Variants in ZNF619 observed in about 807,000 individuals in gnomAD.
The protein encoded by ZNF619 is zinc finger protein 619.
A neutral mutation model predicts 14.2 loss-of-function variants in ZNF619; 9 were observed. The ratio of observed to expected loss-of-function variants is 0.64; its 90% CI spans 0.38 to 1.11. The LOEUF (loss-of-function observed/expected upper bound fraction) is 1.11, where lower values mean the gene tolerates loss of function less well. Among genes scored for constraint, ZNF619 ranks in the 50% least tolerant of loss-of-function variants. The pLI, the probability that ZNF619 is intolerant of heterozygous loss-of-function variation, is 0.01. For synonymous variants in ZNF619, 246 were observed against 252.8 expected (o/e 0.97, Z 0.26); for missense variants, 659 against 680.1 (o/e 0.97, Z 0.34).
At position 40,487,079 on chromosome 3, in the gene ZNF619, A is replaced by C. The variant is rs781146395; in HGVS notation, c.569A>C (p.His190Pro). The C allele has an allele frequency of 3.7e-6, 6 of 1,614,020 alleles. No individual in the cohort carries two copies. In the East Asian group the frequency reaches 1.3e-4, roughly 36 times the overall value. Residue 190 changes from histidine to proline, a missense_variant, in exon 5 of 5, where the codon CAT becomes CCT. Coordinates refer to ENST00000432264, the MANE Select transcript of ZNF619 (RefSeq NM_001145093.4). ...RKLEESSVST[H>P]LITKQGFAKE... The stretch of plus-strand genomic sequence containing the variant: ...TTGGAAGAAAGTAGTGTCAGCACAC[A>C]TCTCATTACAAAGCAGGGTTTTGCC...
At chr3:40,480,423 C>CA (rs1434322571) in intron 2 of ZNF619, among the ~76,000 whole-genome samples, 2 of 151,468 alleles carry the variant, frequency 1.3e-5, no homozygotes, top group East Asian at 3.9e-4. Flanking sequence ...TGCTTCTCAT[C>CA]AAAATTTCCT....
intron 2 of ZNF619, among the ~76,000 whole-genome samples, chr3:40,479,983 C>T (rs1697330510): frequency 6.6e-6 from 1 of 152,154 alleles, no homozygotes; most frequent in Non-Finnish European, 1.5e-5. Flanking sequence ...AATAGCCCCA[C>T]TTAATGGAGA....
In ZNF619 at chr3:40,477,183, T is replaced by TTCCCTGACTCG. The variant is rs1260759831; in HGVS notation, c.-237_-236insTCCCTGACTCG. On this transcript the variant is annotated 5_prime_UTR_variant, in exon 1 of 5. An upstream open reading frame in the 5' UTR loses its in-frame stop. Coordinates refer to ENST00000432264, the MANE Select transcript of ZNF619 (RefSeq NM_001145093.4). Reference sequence around the variant, plus strand: ...TTGGCCACCTTGCGAGCGCTCGGGTTGAGTTTCCCGGGCTTCCCTGACTCG... The same window carrying TTCCCTGACTCG: ...TTGGCCACCTTGCGAGCGCTCGGGTTTCCCTGACTCGGAGTTTCCCGGGCTTCCCTGACTCG... 3 of 152,286 alleles carry TTCCCTGACTCG rather than the reference T, an allele frequency of 2.0e-5. No homozygotes were observed. The highest frequency in any genetic ancestry group is 2.9e-5 in the Non-Finnish European group (2 of 68,126). 9.4% of individuals were successfully genotyped at this position (152,286 alleles called of 1,614,324 possible).
In ZNF619 at chr3:40,481,826, T is replaced by A. The variant is rs774070992; in HGVS notation, c.25-37T>A. 11 of 1,570,920 alleles carry A rather than the reference T, an allele frequency of 7.0e-6. No homozygotes were observed. In the Admixed American group the frequency reaches 2.1e-4, roughly 30 times the overall value. On this transcript the variant is annotated intron_variant, in intron 2 of 4. Transcript: ENST00000432264. ...ATGGATTCCAGTAAATTTATCCCTT[T>A]CCTGGAATTCAGGCCTCTCCCTCTG...
chr3:40,477,546 T>A (rs1057485731), intron 1 of ZNF619, among the ~76,000 whole-genome samples, 189 bp downstream of exon 1: 1 of 152,210 alleles, frequency 6.6e-6, no homozygotes, highest in Non-Finnish European at 1.5e-5. Flanking sequence ...GGGGTCCCCG[T>A]TATATCCTAC....
At position 40,477,388 on chromosome 3, in the gene ZNF619, A is replaced by G. The variant is rs997325435; in HGVS notation, c.-63+31A>G. On this transcript the variant is annotated intron_variant, in intron 1 of 4. Transcript: ENST00000432264. ...CATGGGGAGGATGGGAGCCGTGACTATAGGGTCTCCTGCTTCCCAGGGTGG... is the reference window on the plus strand; with the variant it reads ...CATGGGGAGGATGGGAGCCGTGACTGTAGGGTCTCCTGCTTCCCAGGGTGG... The G allele has an allele frequency of 3.2e-5, 5 of 154,354 alleles. 1 individual carries two copies. The highest frequency in any genetic ancestry group is 1.9e-4 in the East Asian group (1 of 5,190). The allele number at this position is 154,354 out of a possible 1,614,324, so 9.6% of individuals were successfully genotyped here. A position where few individuals can be genotyped will look rare whatever the true frequency, so the allele number is the denominator to read the frequency against.
intron 3 of ZNF619, chr3:40,482,246 C>T (rs1697426249): frequency 1.2e-5 from 18 of 1,551,730 alleles, no homozygotes; most frequent in Non-Finnish European, 1.6e-5. Context: ...CTGCAGGGGG[C>T]TTTCCTCTGG....
chr3:40,488,028 C>T lies in ZNF619; in HGVS notation c.1518C>T (p.Pro506=), dbSNP rs1255204457. Residue 506 remains proline (P), a synonymous_variant, in exon 5 of 5, where the codon CCC becomes CCT. Coordinates refer to ENST00000432264, the MANE Select transcript of ZNF619 (RefSeq NM_001145093.4). ...GCGCCATCCTCTCTCCTCTGCCTCC[C>T]CAACATACCTGCTCTGCCCTAGCCC... The part of the protein sequence containing the change: ...CPCAILSPLP[P]QHTCSALAPP... The T allele has an allele frequency of 1.2e-6, 2 of 1,613,988 alleles. No individual in the cohort carries two copies. The highest frequency in any genetic ancestry group is 2.2e-5 in the East Asian group (1 of 44,890).
intron 4 of ZNF619, chr3:40,483,789 C>T (rs1697490154): frequency 3.0e-6 from 1 of 338,070 alleles, no homozygotes; most frequent in African/African-American, 2.3e-5. Context: ...TCACCACACC[C>T]AGCTAACTTT....
chr3:40,483,438 G>A (rs1053263552), intron 4 of ZNF619, among the ~76,000 whole-genome samples: 4 of 151,648 alleles, frequency 2.6e-5, no homozygotes, highest in Admixed American at 6.6e-5. Context: ...CTACATGCGC[G>A]TGCCACCATG....
Position 40,486,989 on chromosome 3 carries a change from G to C in ZNF619, c.479G>C (p.Cys160Ser), listed in dbSNP as rs1335676330. The change falls in exon 5 of 5, where the codon TGC becomes TCC. Residue 160 changes from cysteine (C) to serine (S), a missense_variant. Coordinates refer to ENST00000432264, the MANE Select transcript of ZNF619 (RefSeq NM_001145093.4). Reference sequence around the variant, plus strand: ...GGGAATAAAACAAAGATAGGGGATTGCACAGATTTGACAGTCCAGGATCAT... The same window carrying C: ...GGGAATAAAACAAAGATAGGGGATTCCACAGATTTGACAGTCCAGGATCAT... ...DTGNKTKIGD[C>S]TDLTVQDHES... 1.5e-5 allele frequency: 25 copies of C among 1,614,184 alleles called. No homozygotes were observed. The highest frequency in any genetic ancestry group is 1.6e-4 in the Middle Eastern group (1 of 6,062).
rs1347430882 is a variant in ZNF619, at chr3:40,487,611, T to C, written c.1101T>C (p.Thr367=). The change falls in exon 5 of 5, where the codon ACT becomes ACC. Residue 367 remains threonine, a synonymous_variant. Transcript: ENST00000432264. ...SVLIQHQRIH[T]GEKPYECKEC... ...TGATTCAGCATCAGAGAATCCACAC[T>C]GGGGAGAAACCTTATGAATGTAAAG... 6.2e-7 allele frequency: 1 copy of C among 1,614,132 alleles called. No individual in the cohort carries two copies. The highest frequency in any genetic ancestry group is 8.5e-7 in the Non-Finnish European group (1 of 1,180,018).
intron 2 of ZNF619, 48 bp from the exon 3 acceptor site, chr3:40,481,815 A>G: frequency 6.4e-7 from 1 of 1,563,554 alleles, no homozygotes; most frequent in African/African-American, 1.4e-5. Context: ...ATTCCAGTAA[A>G]TTTATCCCTT....
At chr3:40,482,105 A>T (rs1473162325) in intron 3 of ZNF619, 89 bp downstream of exon 3, 1 of 1,549,828 alleles carries the variant, frequency 6.5e-7, no homozygotes, top group African/African-American at 1.4e-5. Context: ...CTTTAATACC[A>T]TCAGAATTGA....
In ZNF619 at chr3:40,486,841, G is replaced by A. The variant is rs1260837413; in HGVS notation, c.331G>A (p.Ala111Thr). The A allele has an allele frequency of 8.1e-6, 13 of 1,605,900 alleles. No individual in the cohort carries two copies. Among genetic ancestry groups the A allele is most frequent in the Non-Finnish European group, 1.1e-5 (13 of 1,177,524 alleles). Residue 111 changes from alanine to threonine, a missense_variant, in exon 5 of 5, where the codon GCA becomes ACA. Physicochemically the swap from Ala to Thr is moderately conservative, Grantham distance 58. Coordinates refer to ENST00000432264, the MANE Select transcript of ZNF619 (RefSeq NM_001145093.4). Reference protein sequence around the residue: ...KTKTENEEKTAQLNISKESES... With the variant: ...KTKTENEEKTTQLNISKESES... ...CAAGACTGAGAATGAGGAAAAAACT[G>A]CACAGCTAAACATTTCTAAAGAATC...
Position 40,489,986 on chromosome 3 carries a change from G to A in ZNF619, c.*1745G>A, listed in dbSNP as rs943557178. 6.6e-6 allele frequency: 1 copy of A among 152,184 alleles called. No individual in the cohort carries two copies. The highest frequency in any genetic ancestry group is 2.4e-5 in the African/African-American group (1 of 41,432). The allele number at this position is 152,184 out of a possible 1,614,324, so 9.4% of individuals were successfully genotyped here. On this transcript the variant is annotated 3_prime_UTR_variant, in exon 5 of 5. Transcript: ENST00000432264. ...AATCCCCATTGTAACAGTACTGGGT[G>A]GGGGGTCTTTAAGAGGTGATCAGGA...
chr3:40,477,582 T>G (rs994868230), intron 1 of ZNF619, among the ~76,000 whole-genome samples: 11 of 152,186 alleles, frequency 7.2e-5, no homozygotes, highest in Non-Finnish European at 1.5e-5. Context: ...TTGTTTTGGG[T>G]TTTTGCCATG....
At chr3:40,477,764 G>A (rs780610438) in intron 1 of ZNF619, 154 bp from the exon 2 acceptor site, 9 of 565,152 alleles carry the variant, frequency 1.6e-5, no homozygotes, top group Non-Finnish European at 1.9e-5. Context: ...TATGCAGAGG[G>A]AGCATTTGCA....
At position 40,484,855 on chromosome 3, in the gene ZNF619, G is replaced by A. The variant is rs548307614; in HGVS notation, c.296-1951G>A. On this transcript the variant is annotated intron_variant, in intron 4 of 4. Coordinates refer to ENST00000432264, the MANE Select transcript of ZNF619 (RefSeq NM_001145093.4). ...ATAGATTAGTAAATTTCAAACTCTC[G>A]TATGTATCAGAATTACTTGCAGAGC... is the stretch of plus-strand genomic sequence containing the variant. 4.6e-5 allele frequency among the ~76,000 whole-genome samples: 7 copies of A among 152,258 alleles called. No homozygotes were observed. The East Asian group carries it at 9.6e-4, about 21-fold the overall frequency.
Sources: allele counts gnomAD v4.1 joint callset (sites outside exome capture counted in the v4.1 genomes callset), GRCh38; gene constraint gnomAD v4.1.1; transcripts MANE v1.5; gene names NCBI Gene and HGNC (gene_info 2026-07-23, HGNC 2026-07-21).